The following SHROOM3 variants were observed in gnomAD, a reference collection of about 807,000 sequenced individuals.
SHROOM3 encodes the protein shroom family member 3.
SHROOM3 carries 47 observed loss-of-function variants against 138.6 expected under a neutral mutation model. That is an observed-to-expected ratio of 0.34 (90% CI 0.27 to 0.43). SHROOM3 has a LOEUF of 0.43. SHROOM3 is among the 20% of genes least tolerant of loss of function. The pLI is 1.00. For synonymous variants in SHROOM3, 1,062 were observed against 1,063.3 expected (o/e 1.00, Z 0.02); for missense variants, 2,491 against 2,596.5 (o/e 0.96, Z 0.88).
rs72657885 is a variant in SHROOM3 at position 76,484,612 on chromosome 4, A to C, written c.168+48392A>C. On this transcript the variant is annotated intron_variant, in intron 1 of 10. Transcript: ENST00000296043. The stretch of plus-strand genomic sequence containing the variant: ...ACAAACAAACAAACAAACAAACAAA[A>C]AGTCTTAGGAGAGCTGATTACAGTT... 1.5e-3 allele frequency among the ~76,000 whole-genome samples: 148 copies of C among 100,038 alleles called. 1 individual carries two copies. Among genetic ancestry groups the C allele is most frequent in the Middle Eastern group, 6.6e-3 (1 of 152 alleles). The allele number at this position is 100,038 out of a possible 152,430, so 65.6% of individuals were successfully genotyped here. A position where few individuals can be genotyped will look rare whatever the true frequency, so the allele number is the denominator to read the frequency against.
chr4:76,717,404 CA>C (rs1315015292), intron 3 of SHROOM3, among the ~76,000 whole-genome samples: 1 of 152,170 alleles, frequency 6.6e-6, no homozygotes, highest in Non-Finnish European at 1.5e-5. Context: ...GGGAGATTCT[CA>C]GTCATTATTG....
chr4:76,559,528 G>A (rs903558083), intron 2 of SHROOM3: 4 of 152,202 alleles, frequency 2.6e-5, no homozygotes, highest in Admixed American at 2.0e-4. Context: ...AAACATAATA[G>A]GAAGGAATGT....
At chr4:76,645,735 A>G (rs1168854530) in intron 2 of SHROOM3, 1 of 152,244 alleles carries the variant, frequency 6.6e-6, no homozygotes, top group Non-Finnish European at 1.5e-5. Flanking sequence ...AAAACCCCAC[A>G]GACCTAGATT....
At chr4:76,666,743 G>A (rs1718704488) in intron 2 of SHROOM3, among the ~76,000 whole-genome samples, 1 of 152,178 alleles carries the variant, frequency 6.6e-6, no homozygotes, top group African/African-American at 2.4e-5. Flanking sequence ...GAAATACAGA[G>A]CAAGCAGGGA....
intron 1 of SHROOM3, among the ~76,000 whole-genome samples, chr4:76,482,182 G>A (rs532950684): frequency 6.6e-6 from 1 of 151,960 alleles, no homozygotes; most frequent in South Asian, 2.1e-4. Context: ...AAGAAATAAA[G>A]GGTATTCAAA....
At chr4:76,755,287 G>A in intron 7 of SHROOM3, 95 bp downstream of exon 7, 28 of 1,418,484 alleles carry the variant, frequency 2.0e-5, no homozygotes, top group Non-Finnish European at 2.5e-5. Flanking sequence ...AAGAACCCTG[G>A]CATGGAGATG....
At chr4:76,564,634 G>A (rs146872354) in intron 2 of SHROOM3, among the ~76,000 whole-genome samples, 28 of 152,166 alleles carry the variant, frequency 1.8e-4, no homozygotes, top group African/African-American at 5.8e-4. Context: ...TTTTTCCCCC[G>A]TAGCACATAA....
intron 1 of SHROOM3, among the ~76,000 whole-genome samples, chr4:76,491,982 A>G (rs1731863069): frequency 6.6e-6 from 1 of 152,178 alleles, no homozygotes; most frequent in African/African-American, 2.4e-5. Flanking sequence ...TTTGGATACC[A>G]TTTCTAGAAA....
Position 76,611,410 on chromosome 4 carries a change from A to AT in SHROOM3, c.323+55654dup, listed in dbSNP as rs1186893807. On this transcript the variant is annotated intron_variant, in intron 2 of 10. Coordinates refer to ENST00000296043, the MANE Select transcript of SHROOM3 (RefSeq NM_020859.4). ...GGTTATTTCTTATCGGGAATGCTGG[A>AT]TTTTTTTCTAAGAGCCATGGCAGGG... 5.3e-5 allele frequency among the ~76,000 whole-genome samples: 8 copies of AT among 151,594 alleles called. No homozygotes were observed. The East Asian group carries it at 5.8e-4, about 11-fold the overall frequency.
At chr4:76,661,733 T>C (rs1736192512) in intron 2 of SHROOM3, among the ~76,000 whole-genome samples, 1 of 152,342 alleles carries the variant, frequency 6.6e-6, no homozygotes, top group East Asian at 1.9e-4. Context: ...CTGAACTTTA[T>C]CTGTGTTGTT....
At chr4:76,749,631 G>A (rs1443456737) in intron 6 of SHROOM3, among the ~76,000 whole-genome samples, 1 of 152,138 alleles carries the variant, frequency 6.6e-6, no homozygotes. Flanking sequence ...GCTTCACAGA[G>A]GAAGGCAAAC....
At chr4:76,601,874 G>A (rs1224798014) in intron 2 of SHROOM3, among the ~76,000 whole-genome samples, 1 of 152,126 alleles carries the variant, frequency 6.6e-6, no homozygotes, top group Non-Finnish European at 1.5e-5. Context: ...CAAATTGTCA[G>A]ACAATTCAGT....
chr4:76,463,896 A>G (rs976820068), intron 1 of SHROOM3, among the ~76,000 whole-genome samples: 1 of 152,232 alleles, frequency 6.6e-6, no homozygotes, highest in Non-Finnish European at 1.5e-5. Context: ...CAGAGTGTGT[A>G]TGGAAATTCC....
At chr4:76,614,033 TTTTGTTTGTTTGTTTG>T (rs71212434) in intron 2 of SHROOM3, among the ~76,000 whole-genome samples, 3 of 150,322 alleles carry the variant, frequency 2.0e-5, no homozygotes, top group Non-Finnish European at 4.4e-5. Context: ...TCGTTTTTTG[TTTTGTTTGTTTGTTTG>T]TTTGTTTGTT....
At chr4:76,502,073 C>T (rs889167058) in intron 1 of SHROOM3, among the ~76,000 whole-genome samples, 7 of 151,960 alleles carry the variant, frequency 4.6e-5, no homozygotes, top group African/African-American at 7.3e-5. Context: ...TGGGTTATTA[C>T]GGTACTGGAA....
At chr4:76,555,530 G>C in intron 1 of SHROOM3, 79 bp from the exon 2 acceptor site, 1 of 1,600,978 alleles carries the variant, frequency 6.2e-7, no homozygotes, top group Non-Finnish European at 8.5e-7. Context: ...AGGAGTCTAA[G>C]CTGGGCTCGG....
At chr4:76,473,004 T>G (rs1731411017) in intron 1 of SHROOM3, among the ~76,000 whole-genome samples, 1 of 152,194 alleles carries the variant, frequency 6.6e-6, no homozygotes, top group South Asian at 2.1e-4. Flanking sequence ...GGAATGTTTC[T>G]TAGACAAAGC....
chr4:76,441,139 GAGTGC>G (rs558750950), intron 1 of SHROOM3, among the ~76,000 whole-genome samples: 1,342 of 126,384 alleles, frequency 0.011, 16 homozygotes, highest in African/African-American at 0.035. Flanking sequence ...GCCCAGGCTG[GAGTGC>G]AGTGCAGTGG....
intron 1 of SHROOM3, among the ~76,000 whole-genome samples, chr4:76,546,323 G>A (rs1235526493): frequency 6.6e-6 from 1 of 152,156 alleles, no homozygotes; most frequent in African/African-American, 2.4e-5. Context: ...CAGTATAAAT[G>A]TAATGATTTA....
Sources: allele counts gnomAD v4.1 joint callset (sites outside exome capture counted in the v4.1 genomes callset), GRCh38; gene constraint gnomAD v4.1.1; transcripts MANE v1.5; gene names NCBI Gene and HGNC (gene_info 2026-07-23, HGNC 2026-07-21).